MGAT5: variants seen among roughly 807,000 people sequenced by gnomAD.
The protein encoded by MGAT5 is alpha-1,6-mannosylglycoprotein 6-beta-N-acetylglucosaminyltransferase.
MGAT5 carries 30 observed loss-of-function variants against 94.3 expected under a neutral mutation model. That is an observed-to-expected ratio of 0.32 (90% confidence interval 0.24 to 0.43). The LOEUF is 0.43. Ranked by LOEUF, MGAT5 falls within the 20% of genes least tolerant of loss-of-function variation. MGAT5 has a pLI of 1.00. For missense variants in MGAT5, 691 were observed against 905.5 expected (o/e 0.76, Z 3.04); for synonymous variants, 310 against 322.9 (o/e 0.96, Z 0.43).
chr2:134,225,633 T>A (rs1345266677), intron 1 of MGAT5, among the ~76,000 whole-genome samples: 1 of 152,242 alleles, frequency 6.6e-6, no homozygotes, highest in African/African-American at 2.4e-5. Context: ...TTCTTTATTA[T>A]CTTCCATGAG....
chr2:134,191,097 G>A (rs755044941), intron 1 of MGAT5, among the ~76,000 whole-genome samples: 6 of 152,196 alleles, frequency 3.9e-5, no homozygotes, highest in Non-Finnish European at 5.9e-5. Context: ...CCCTGGCACC[G>A]TCTGTTCTTT....
chr2:134,129,401 T>C (rs1477295375), intron 1 of MGAT5, among the ~76,000 whole-genome samples: 6 of 152,208 alleles, frequency 3.9e-5, no homozygotes, highest in Admixed American at 1.3e-4. Context: ...TATAATGCCA[T>C]CTCCCTGTAA....
chr2:134,273,031 GTGCGCGTGCA>G (rs981410678), intron 2 of MGAT5, among the ~76,000 whole-genome samples: 6 of 123,448 alleles, frequency 4.9e-5, no homozygotes, highest in African/African-American at 1.9e-4. Context: ...GCGCGCGCGC[GTGCGCGTGCA>G]TGCATGCAGA....
At chr2:134,245,126 C>T (rs1169284375) in intron 1 of MGAT5, among the ~76,000 whole-genome samples, 2 of 152,202 alleles carry the variant, frequency 1.3e-5, no homozygotes, top group Admixed American at 6.5e-5. Context: ...CATTCTCCTG[C>T]CTCAGCCTCC....
chr2:134,120,449 C>T (rs1685512069), intron 1 of MGAT5, among the ~76,000 whole-genome samples: 1 of 151,806 alleles, frequency 6.6e-6, no homozygotes, highest in African/African-American at 2.4e-5. Flanking sequence ...TTCCGTCGCT[C>T]CTCTGCCGCC....
At position 134,341,535 on chromosome 2, in the gene MGAT5, T is replaced by A. The variant is rs188478082; in HGVS notation, c.808-55T>A. The A allele has an allele frequency of 1.5e-4, 221 of 1,435,868 alleles. No individual in the cohort carries two copies. The African/African-American group carries it at 3.0e-3, about 19-fold the overall frequency. 88.9% of individuals were successfully genotyped at this position (1,435,868 alleles called of 1,614,324 possible). ...GGTCAATCATTTCTTGGCGCATTAC[T>A]GTGCCTTTTGTATGTGGTTCAGTGT... On this transcript the variant is annotated intron_variant, in intron 6 of 15. Coordinates refer to ENST00000281923, the MANE Select transcript of MGAT5 (RefSeq NM_002410.5).
chr2:134,288,515 TAAA>T (rs879623551), intron 2 of MGAT5, among the ~76,000 whole-genome samples: 1 of 143,450 alleles, frequency 7.0e-6, no homozygotes, highest in Non-Finnish European at 1.5e-5. Context: ...TCTAGCTCTT[TAAA>T]AAAAAAAAAA....
In MGAT5 at chr2:134,338,413, G is replaced by T; in HGVS notation, c.800G>T (p.Arg267Leu). The change falls in exon 6 of 16, where the codon CGG becomes CTG. Residue 267 changes from arginine to leucine, a missense_variant. Arg to Leu is a moderately radical substitution (Grantham distance 102). Transcript: ENST00000281923. ...AEKQNLEKRK[R>L]KKVLVHLGLL... ...AAGCAGAACCTTGAAAAGAGAAAGC[G>T]GAAGAAAGTGAGTTTCTTATTAATT... 2 of 1,597,198 alleles carry T rather than the reference G, an allele frequency of 1.3e-6. No individual in the cohort carries two copies. The highest frequency in any genetic ancestry group is 1.7e-6 in the Non-Finnish European group (2 of 1,174,528).
At chr2:134,193,333 T>A (rs1307420026) in intron 1 of MGAT5, among the ~76,000 whole-genome samples, 1 of 152,112 alleles carries the variant, frequency 6.6e-6, no homozygotes, top group African/African-American at 2.4e-5. Context: ...CATGGGCTCA[T>A]CTTAAACTCT....
At chr2:134,381,185 G>A (rs1681521114) in intron 10 of MGAT5, among the ~76,000 whole-genome samples, 1 of 152,126 alleles carries the variant, frequency 6.6e-6, no homozygotes, top group Non-Finnish European at 1.5e-5. Context: ...ATGGTGGTGT[G>A]TTCCTTCAGT....
At chr2:134,423,143 G>A (rs562997906) in intron 13 of MGAT5, among the ~76,000 whole-genome samples, 2 of 152,284 alleles carry the variant, frequency 1.3e-5, no homozygotes, top group South Asian at 2.1e-4. Flanking sequence ...TCCATAGACC[G>A]TTTAGACATG....
intron 1 of MGAT5, among the ~76,000 whole-genome samples, chr2:134,184,577 A>G (rs1435718316): frequency 6.6e-6 from 1 of 152,158 alleles, no homozygotes; most frequent in Non-Finnish European, 1.5e-5. Flanking sequence ...TTCTTGCGAT[A>G]CTGTGTGCAT....
chr2:134,411,317 C>T (rs1278900663), intron 11 of MGAT5, among the ~76,000 whole-genome samples: 1 of 152,086 alleles, frequency 6.6e-6, no homozygotes, highest in Non-Finnish European at 1.5e-5. Context: ...CACCATCACC[C>T]CCACCCGTGA....
At chr2:134,372,656 A>T (rs1680884765) in intron 10 of MGAT5, among the ~76,000 whole-genome samples, 1 of 152,154 alleles carries the variant, frequency 6.6e-6, no homozygotes, top group Admixed American at 6.5e-5. Flanking sequence ...ATGATGGATG[A>T]TAGAATCTTA....
At chr2:134,326,284 A>G (rs1687644529) in intron 4 of MGAT5, among the ~76,000 whole-genome samples, 1 of 151,682 alleles carries the variant, frequency 6.6e-6, no homozygotes, top group Non-Finnish European at 1.5e-5. Flanking sequence ...GTTTTTTATT[A>G]TCGTTATGTA....
At chr2:134,341,535 T>G in intron 6 of MGAT5, 55 bp from the exon 7 acceptor site, 2 of 1,435,868 alleles carry the variant, frequency 1.4e-6, no homozygotes, top group Non-Finnish European at 1.9e-6. Context: ...GGCGCATTAC[T>G]GTGCCTTTTG....
At chr2:134,389,642 G>A (rs1682273880) in intron 10 of MGAT5, among the ~76,000 whole-genome samples, 1 of 152,188 alleles carries the variant, frequency 6.6e-6, no homozygotes, top group Non-Finnish European at 1.5e-5. Context: ...TGAGTTAATG[G>A]TGTGTGAAGG....
intron 2 of MGAT5, among the ~76,000 whole-genome samples, chr2:134,309,733 G>A (rs1686539713): frequency 6.6e-6 from 1 of 152,146 alleles, no homozygotes; most frequent in Non-Finnish European, 1.5e-5. Flanking sequence ...ATATGATGTT[G>A]TGGCTGTGTG....
intron 1 of MGAT5, among the ~76,000 whole-genome samples, chr2:134,159,188 C>CGTGTGT (rs138643972): frequency 0.42 from 60,548 of 143,856 alleles, 13,989 homozygotes; most frequent in Non-Finnish European, 0.53. Context: ...GGTCTAAATT[C>CGTGTGT]GTGTGTGTGT....
Sources: allele counts gnomAD v4.1 joint callset (sites outside exome capture counted in the v4.1 genomes callset), GRCh38; gene constraint gnomAD v4.1.1; transcripts MANE v1.5; gene names NCBI Gene and HGNC (gene_info 2026-07-23, HGNC 2026-07-21).